SNX18: variants seen among roughly 807,000 people sequenced by gnomAD.
SNX18 encodes sorting nexin 18.
In SNX18, 35 loss-of-function variants were observed where a neutral mutation model predicts 48.7. The ratio of observed to expected loss-of-function variants is 0.72; its 90% CI spans 0.55 to 0.95. SNX18 has a LOEUF of 0.95. Ranked by LOEUF, SNX18 falls within the 40% of genes least tolerant of loss-of-function variation. The probability of loss-of-function intolerance (pLI) is 0.00; values close to 1 mark genes in which losing one functional copy is unlikely to be tolerated. For missense variants in SNX18, 824 were observed against 871.0 expected (o/e 0.95, Z 0.68); for synonymous variants, 492 against 384.7 (o/e 1.28, Z -3.26).
chr5:54,623,796 GA>G, the SNX18 span, among the ~76,000 whole-genome samples: 4 of 152,150 alleles, frequency 2.6e-5, no homozygotes, highest in African/African-American at 9.7e-5. Context: ...TTTGAAGGGA[GA>G]AATATGTAAA....
chr5:54,586,657 C>G, the SNX18 span, among the ~76,000 whole-genome samples: 1 of 152,176 alleles, frequency 6.6e-6, no homozygotes, highest in Admixed American at 6.5e-5. Flanking sequence ...CATTCATGAG[C>G]GCGGAGCCCT....
the SNX18 span, among the ~76,000 whole-genome samples, chr5:54,560,891 C>T: frequency 1.3e-5 from 2 of 152,174 alleles, no homozygotes; most frequent in Admixed American, 1.3e-4. Flanking sequence ...GAGTGGCACC[C>T]AAATCCATGT....
the SNX18 span, among the ~76,000 whole-genome samples, chr5:54,569,348 A>G: frequency 4.6e-5 from 7 of 152,202 alleles, no homozygotes; most frequent in African/African-American, 7.2e-5. Flanking sequence ...TGCACTATTC[A>G]TGATGTTTTG....
In SNX18 at chr5:54,526,319, G is replaced by A. The variant is rs1414907555; in HGVS notation, c.1621+6746G>A. Among the ~76,000 whole-genome samples, 3 of 152,036 alleles carry A rather than the reference G, an allele frequency of 2.0e-5. No individual in the cohort carries two copies. The East Asian group carries it at 5.8e-4, about 29-fold the overall frequency. Reference sequence around the variant, plus strand: ...GACGGGGTTTCACTATATTGGCCAGGCTGGTCTTGAACTCCTGACCTCAAG... The same window carrying A: ...GACGGGGTTTCACTATATTGGCCAGACTGGTCTTGAACTCCTGACCTCAAG... On this transcript the variant is annotated intron_variant, in intron 1 of 1. Transcript: ENST00000381410.
the SNX18 span, among the ~76,000 whole-genome samples, chr5:54,574,653 A>G: frequency 0.5 from 75,891 of 152,002 alleles, 19,910 homozygotes; most frequent in Non-Finnish European, 0.59. Flanking sequence ...ACAGGAACTC[A>G]GGTGGCACGT....
chr5:54,601,657 G>T, the SNX18 span, among the ~76,000 whole-genome samples: 1 of 152,100 alleles, frequency 6.6e-6, no homozygotes, highest in African/African-American at 2.4e-5. Context: ...GGGGAGGAGG[G>T]ATGGCAGATG....
At chr5:54,542,414 A>C (rs72765749) in intron 1 of SNX18, among the ~76,000 whole-genome samples, 77 of 152,334 alleles carry the variant, frequency 5.1e-4, no homozygotes, top group Non-Finnish European at 1.1e-3. Context: ...GTCCCAAAAA[A>C]GGGGCAAATT....
the SNX18 span, among the ~76,000 whole-genome samples, chr5:54,595,999 C>T: frequency 6.6e-6 from 1 of 152,086 alleles, no homozygotes; most frequent in Admixed American, 6.6e-5. Context: ...CCCTCTGGCC[C>T]TTTCCTCCCT....
chr5:54,524,344 T>C (rs2565008), intron 1 of SNX18, among the ~76,000 whole-genome samples: 45,019 of 152,070 alleles, frequency 0.3, 6,886 homozygotes, highest in East Asian at 0.43. Context: ...TTCAGAGTCA[T>C]GCCGACCACA....
rs376686708 is a variant in SNX18 at position 54,526,174 on chromosome 5, G to A, written c.1621+6601G>A. On this transcript the variant is annotated intron_variant, in intron 1 of 1. Transcript: ENST00000381410. ...GGCTGCAGTGCAGTGATGCGATCTC[G>A]GCTCACTGCAACCTCTGCCTCGCGA... Among the ~76,000 whole-genome samples, 14 of 152,262 alleles carry A rather than the reference G, an allele frequency of 9.2e-5. 1 individual carries two copies. The highest frequency in any genetic ancestry group is 2.9e-4 in the African/African-American group (12 of 41,546).
Position 54,517,796 on chromosome 5 carries a change from C to T in SNX18, c.-157C>T. 6.0e-6 allele frequency: 4 copies of T among 666,832 alleles called. No homozygotes were observed. The highest frequency in any genetic ancestry group is 5.5e-5 in the South Asian group (1 of 18,246). 41.3% of individuals were successfully genotyped at this position (666,832 alleles called of 1,614,324 possible). ...GAAGTGGAGGCGCTGCGAGCGGAGC[C>T]GCGCGGAGGGCGCGACCGGCTGGTC... On this transcript the variant is annotated 5_prime_UTR_variant, in exon 1 of 2. Coordinates refer to ENST00000381410, the MANE Select transcript of SNX18 (RefSeq NM_001102575.2).
At chr5:54,623,671 T>A in the SNX18 span, among the ~76,000 whole-genome samples, 21 of 152,186 alleles carry the variant, frequency 1.4e-4, no homozygotes, top group African/African-American at 4.6e-4. Context: ...CTTATGTAAC[T>A]ACTTGGGATA....
the SNX18 span, among the ~76,000 whole-genome samples, chr5:54,580,767 T>G: frequency 3.3e-5 from 5 of 152,214 alleles, no homozygotes; most frequent in African/African-American, 9.7e-5. Flanking sequence ...ACACAATCTC[T>G]GAAGGCAAGG....
At chr5:54,575,368 C>CTGTTTT in the SNX18 span, among the ~76,000 whole-genome samples, 1 of 111,742 alleles carries the variant, frequency 8.9e-6, no homozygotes, top group African/African-American at 3.6e-5. Flanking sequence ...CTCCCCACTG[C>CTGTTTT]TTTTTTTTTT....
the SNX18 span, among the ~76,000 whole-genome samples, chr5:54,647,056 T>C: frequency 6.6e-6 from 1 of 152,216 alleles, no homozygotes; most frequent in Non-Finnish European, 1.5e-5. Context: ...CTGAACCAGA[T>C]CGTGCTTTGT....
the SNX18 span, among the ~76,000 whole-genome samples, chr5:54,621,477 C>G: frequency 1.3e-5 from 2 of 152,138 alleles, no homozygotes; most frequent in Admixed American, 6.5e-5. Context: ...GGCTAGTTTT[C>G]TAAAATAGCA....
intron 1 of SNX18, among the ~76,000 whole-genome samples, chr5:54,522,622 C>T (rs1348763007): frequency 6.6e-6 from 1 of 152,162 alleles, no homozygotes; most frequent in Non-Finnish European, 1.5e-5. Context: ...ATTTCCCAAG[C>T]ACTCAACCTG....
chr5:54,553,826 C>A, the SNX18 span, among the ~76,000 whole-genome samples: 1 of 152,208 alleles, frequency 6.6e-6, no homozygotes, highest in Non-Finnish European at 1.5e-5. Context: ...CTCTGATTAG[C>A]TCTAGCATCT....
chr5:54,517,839 C>A lies in SNX18; in HGVS notation c.-114C>A. 1 of 1,179,442 alleles carries A rather than the reference C, an allele frequency of 8.5e-7. No individual in the cohort carries two copies. Among genetic ancestry groups the A allele is most frequent in the Non-Finnish European group, 1.1e-6 (1 of 915,690 alleles). The allele number at this position is 1,179,442 out of a possible 1,614,324, so 73.1% of individuals were successfully genotyped here. On this transcript the variant is annotated 5_prime_UTR_variant, in exon 1 of 2. Transcript: ENST00000381410. ...GGCTGGTCCGGGCAGCGTGGGTTTGCCGCCTTCGGGGCTCCAGTCCGCGCG... is the reference window on the plus strand; with the variant it reads ...GGCTGGTCCGGGCAGCGTGGGTTTGACGCCTTCGGGGCTCCAGTCCGCGCG...
Sources: allele counts gnomAD v4.1 joint callset (sites outside exome capture counted in the v4.1 genomes callset), GRCh38; gene constraint gnomAD v4.1.1; transcripts MANE v1.5; gene names NCBI Gene and HGNC (gene_info 2026-07-23, HGNC 2026-07-21).